Variants in PPP2R2B observed in about 807,000 individuals in gnomAD.
PPP2R2B encodes the protein protein phosphatase 2 regulatory subunit Bbeta.
PPP2R2B carries 5 observed loss-of-function variants against 46.0 expected under a neutral mutation model. That is an observed-to-expected ratio of 0.11 (90% CI 0.06 to 0.23). The LOEUF is 0.23. Among genes scored for constraint, PPP2R2B ranks in the 10% least tolerant of loss-of-function variants. The pLI is 1.00. For missense variants in PPP2R2B, 367 were observed against 575.0 expected (o/e 0.64, Z 3.70); for synonymous variants, 215 against 206.7 (o/e 1.04, Z -0.34).
At chr5:146,870,057 C>T (rs1185732637) in intron 2 of PPP2R2B, among the ~76,000 whole-genome samples, 2 of 152,160 alleles carry the variant, frequency 1.3e-5, no homozygotes, top group East Asian at 3.9e-4. Context: ...GCTTTGCCAC[C>T]CTCTACACCC....
intron 2 of PPP2R2B, among the ~76,000 whole-genome samples, chr5:146,830,955 T>A (rs1436152532): frequency 6.6e-6 from 1 of 152,162 alleles, no homozygotes; most frequent in Non-Finnish European, 1.5e-5. Context: ...TCCTATTGCC[T>A]AGTGATGTTG....
chr5:146,995,487 G>C (rs1049774287), intron 1 of PPP2R2B, among the ~76,000 whole-genome samples: 3 of 152,132 alleles, frequency 2.0e-5, no homozygotes, highest in Admixed American at 2.0e-4. Context: ...GTGCAGGTTT[G>C]AATTCAGGAA....
intron 2 of PPP2R2B, among the ~76,000 whole-genome samples, chr5:146,841,114 G>A (rs1002303089): frequency 6.6e-6 from 1 of 151,922 alleles, no homozygotes. Context: ...TGAAGCTTAT[G>A]GAGGATTATT....
intron 2 of PPP2R2B, among the ~76,000 whole-genome samples, chr5:147,076,127 T>A (rs904523418): frequency 9.2e-5 from 14 of 152,158 alleles, no homozygotes; most frequent in South Asian, 6.2e-4. Flanking sequence ...TATATCACAC[T>A]GCGTTTCCTG....
chr5:146,965,010 A>C (rs954935428), intron 1 of PPP2R2B, among the ~76,000 whole-genome samples: 1 of 152,136 alleles, frequency 6.6e-6, no homozygotes, highest in Non-Finnish European at 1.5e-5. Flanking sequence ...CTAGCATACC[A>C]TCACCTAAAC....
At chr5:146,986,983 A>C (rs1412907249) in intron 1 of PPP2R2B, among the ~76,000 whole-genome samples, 1 of 152,210 alleles carries the variant, frequency 6.6e-6, no homozygotes, top group Non-Finnish European at 1.5e-5. Context: ...TGTCAAAAAC[A>C]AAGGGAGGAT....
chr5:147,037,468 A>G (rs1756096664), intron 1 of PPP2R2B, among the ~76,000 whole-genome samples: 2 of 151,904 alleles, frequency 1.3e-5, no homozygotes, highest in African/African-American at 4.8e-5. Context: ...AAATATATAT[A>G]TGTATCAATA....
intron 1 of PPP2R2B, among the ~76,000 whole-genome samples, chr5:146,887,170 G>C (rs889360836): frequency 8.6e-5 from 13 of 151,818 alleles, no homozygotes; most frequent in Non-Finnish European, 1.5e-4. Flanking sequence ...AATCAATAAA[G>C]AATTACTAAT....
At chr5:146,837,197 T>C (rs566078258) in intron 2 of PPP2R2B, among the ~76,000 whole-genome samples, 167 of 152,344 alleles carry the variant, frequency 1.1e-3, no homozygotes, top group Non-Finnish European at 1.9e-3. Context: ...TCACTTTCAG[T>C]ACAGTATTCA....
intron 6 of PPP2R2B, among the ~76,000 whole-genome samples, chr5:146,649,624 A>G (rs1775819292): frequency 6.6e-6 from 1 of 151,650 alleles, no homozygotes; most frequent in Admixed American, 6.6e-5. Flanking sequence ...TCTTTTTTGT[A>G]TTTTTAGTAA....
intron 7 of PPP2R2B, among the ~76,000 whole-genome samples, chr5:146,632,062 C>CG (rs920778084): frequency 3.4e-4 from 10 of 29,586 alleles, no homozygotes; most frequent in Non-Finnish European, 5.3e-4. Flanking sequence ...CTGAGTTGTG[C>CG]CCCCCCCCCC....
intron 2 of PPP2R2B, among the ~76,000 whole-genome samples, chr5:146,817,030 T>G (rs146861639): frequency 0.024 from 3,711 of 152,314 alleles, 59 homozygotes; most frequent in Non-Finnish European, 0.034. Context: ...GGAGGCTTGT[T>G]GTGATGAGCG....
intron 2 of PPP2R2B, among the ~76,000 whole-genome samples, chr5:146,875,141 G>A (rs1468195944): frequency 6.6e-6 from 1 of 152,188 alleles, no homozygotes; most frequent in African/African-American, 2.4e-5. Context: ...AACATCTTCA[G>A]ACCTCAGTTG....
chr5:147,024,196 T>TATCTA (rs953635874), intron 1 of PPP2R2B, among the ~76,000 whole-genome samples: 3 of 151,834 alleles, frequency 2.0e-5, no homozygotes, highest in Non-Finnish European at 4.4e-5. Context: ...TCTATCTATC[T>TATCTA]ATCTATCACC....
chr5:146,606,335 A>T (rs1214824754), intron 7 of PPP2R2B, among the ~76,000 whole-genome samples: 1 of 152,158 alleles, frequency 6.6e-6, no homozygotes, highest in Non-Finnish European at 1.5e-5. Context: ...CTAACAGCTG[A>T]TCCTGAAGGC....
intron 1 of PPP2R2B, among the ~76,000 whole-genome samples, chr5:146,912,174 G>A (rs1763207736): frequency 6.7e-6 from 1 of 150,304 alleles, no homozygotes; most frequent in African/African-American, 2.5e-5. Context: ...CGGAGGTGGA[G>A]GTTGCAGTGA....
chr5:146,763,349 T>C (rs1455500761), intron 2 of PPP2R2B, among the ~76,000 whole-genome samples: 7 of 152,170 alleles, frequency 4.6e-5, no homozygotes, highest in African/African-American at 1.4e-4. Context: ...GTTCAAATGC[T>C]GGTTGAGGAT....
At chr5:146,967,685 G>T (rs1027042488) in intron 1 of PPP2R2B, among the ~76,000 whole-genome samples, 1 of 152,156 alleles carries the variant, frequency 6.6e-6, no homozygotes, top group African/African-American at 2.4e-5. Context: ...GCACTTCCCA[G>T]AATGTTTAAG....
chr5:147,032,598 A>G (rs897687490), intron 1 of PPP2R2B, among the ~76,000 whole-genome samples: 8 of 152,136 alleles, frequency 5.3e-5, no homozygotes, highest in African/African-American at 1.9e-4. Context: ...TATCAGTGAA[A>G]ACACAGATGT....
Sources: allele counts gnomAD v4.1 joint callset (sites outside exome capture counted in the v4.1 genomes callset), GRCh38; gene constraint gnomAD v4.1.1; transcripts MANE v1.5; gene names NCBI Gene and HGNC (gene_info 2026-07-23, HGNC 2026-07-21).